Variants in SV2C observed in about 807,000 individuals in gnomAD.
The protein encoded by SV2C is synaptic vesicle glycoprotein 2C, also known as solute carrier family 22 member B3.
Under a neutral mutation model 79.7 loss-of-function variants are expected in SV2C, and 49 were observed. The observed-to-expected ratio is 0.61, with a 90% CI of 0.49 to 0.78. The LOEUF (loss-of-function observed/expected upper bound fraction) is 0.78, where lower values mean the gene tolerates loss of function less well. SV2C is among the 30% of genes least tolerant of loss of function. SV2C has a pLI of 0.00. For synonymous variants in SV2C, 334 were observed against 333.2 expected, an observed-to-expected ratio of 1.00 and a Z score of -0.03; for missense variants, 833 against 912.9, an observed-to-expected ratio of 0.91 and a Z score of 1.13.
chr5:75,960,141 G>GA, the SV2C span, among the ~76,000 whole-genome samples: 3 of 151,894 alleles, frequency 2.0e-5, no homozygotes, highest in African/African-American at 7.2e-5. Context: ...AACTTTTAAT[G>GA]AAAAAATCCT....
intron 4 of SV2C, among the ~76,000 whole-genome samples, chr5:76,238,292 G>A (rs1745678386): frequency 6.6e-6 from 1 of 150,882 alleles, no homozygotes; most frequent in Non-Finnish European, 1.5e-5. Flanking sequence ...TTCTAAGGAG[G>A]GGTGTGTGTG....
chr5:76,144,530 A>C (rs4580760), intron 2 of SV2C, among the ~76,000 whole-genome samples: 133,844 of 152,190 alleles, frequency 0.88, 59,043 homozygotes, highest in South Asian at 0.92. Context: ...TTACGTAATT[A>C]ATCCACCCAG....
chr5:76,194,878 C>T, intron 2 of SV2C, 41 bp from the exon 3 acceptor site: 1 of 1,601,594 alleles, frequency 6.2e-7, no homozygotes, highest in Non-Finnish European at 8.5e-7. Context: ...GTCATTGACT[C>T]CCAACCTCTG....
chr5:76,112,330 A>G (rs989201730), intron 1 of SV2C, among the ~76,000 whole-genome samples: 3 of 152,224 alleles, frequency 2.0e-5, no homozygotes, highest in Non-Finnish European at 2.9e-5. Context: ...GAACACCAAA[A>G]GGAAGTGCAG....
chr5:76,226,158 G>A (rs1745230527), intron 4 of SV2C, among the ~76,000 whole-genome samples: 2 of 152,168 alleles, frequency 1.3e-5, no homozygotes, highest in South Asian at 4.1e-4. Context: ...TAGTTAGGTG[G>A]AGGGTATACA....
At chr5:75,922,129 T>C in the SV2C span, among the ~76,000 whole-genome samples, 5 of 152,288 alleles carry the variant, frequency 3.3e-5, no homozygotes, top group Non-Finnish European at 7.4e-5. Flanking sequence ...TACTAACTTC[T>C]ATATTGTCCT....
the SV2C span, among the ~76,000 whole-genome samples, chr5:75,948,426 C>T: frequency 6.6e-6 from 1 of 151,980 alleles, no homozygotes; most frequent in East Asian, 1.9e-4. Context: ...CAGGTGAAGG[C>T]AATGATACAC....
At chr5:75,963,772 C>G in the SV2C span, among the ~76,000 whole-genome samples, 18 of 152,080 alleles carry the variant, frequency 1.2e-4, no homozygotes, top group Non-Finnish European at 2.1e-4. Context: ...TCTCTGTTCT[C>G]TCTTCCTGGA....
At chr5:75,912,048 G>A in the SV2C span, among the ~76,000 whole-genome samples, 3 of 152,216 alleles carry the variant, frequency 2.0e-5, no homozygotes, top group African/African-American at 7.2e-5. Flanking sequence ...TATGGGAGAG[G>A]TGGAGTGAGG....
At chr5:76,290,900 T>C (rs1026456402) in intron 6 of SV2C, among the ~76,000 whole-genome samples, 2 of 152,242 alleles carry the variant, frequency 1.3e-5, no homozygotes, top group African/African-American at 4.8e-5. Flanking sequence ...ATCTAACTTA[T>C]CTGGATGTTT....
the SV2C span, among the ~76,000 whole-genome samples, chr5:76,076,364 TTTC>T: frequency 3.9e-5 from 6 of 152,234 alleles, no homozygotes; most frequent in Non-Finnish European, 7.3e-5. Flanking sequence ...TGCACATATT[TTTC>T]TTCAAGTACA....
At chr5:76,309,429 T>G (rs1017319332) in intron 12 of SV2C, among the ~76,000 whole-genome samples, 1 of 151,102 alleles carries the variant, frequency 6.6e-6, no homozygotes, top group African/African-American at 2.4e-5. Flanking sequence ...TGAAACCCCG[T>G]CTCTACTAAA....
rs533075382 is a variant in SV2C, at chr5:76,085,757, A to G, written c.-102+2245A>G. Among the ~76,000 whole-genome samples, 26 of 151,610 alleles carry G rather than the reference A, an allele frequency of 1.7e-4. 1 individual carries two copies. The South Asian group carries it at 5.2e-3, about 31-fold the overall frequency. ...GGTTGTTTTGAAGACAAAAGAGATAATCTCAGAGAGCTTTGGCTTTGGAAA... is the reference window on the plus strand; with the variant it reads ...GGTTGTTTTGAAGACAAAAGAGATAGTCTCAGAGAGCTTTGGCTTTGGAAA... On this transcript the variant is annotated intron_variant, in intron 1 of 12. Coordinates refer to ENST00000502798, the MANE Select transcript of SV2C (RefSeq NM_014979.4).
chr5:76,250,681 G>A (rs1009208308), intron 4 of SV2C, among the ~76,000 whole-genome samples: 1 of 152,146 alleles, frequency 6.6e-6, no homozygotes, highest in Non-Finnish European at 1.5e-5. Flanking sequence ...TCCGCTCCTG[G>A]GTCAGCATTA....
the SV2C span, among the ~76,000 whole-genome samples, chr5:76,066,795 T>TA: frequency 0.025 from 3,040 of 122,068 alleles, 66 homozygotes; most frequent in African/African-American, 0.063. Flanking sequence ...AGGACCCTGT[T>TA]AAAAAAAAAA....
the SV2C span, among the ~76,000 whole-genome samples, chr5:75,852,256 A>G: frequency 0.015 from 2,267 of 152,274 alleles, 72 homozygotes; most frequent in African/African-American, 0.053. Context: ...TGGCACGTGT[A>G]TACCTATGTA....
chr5:76,035,033 C>T, the SV2C span, among the ~76,000 whole-genome samples: 29 of 152,144 alleles, frequency 1.9e-4, no homozygotes, highest in South Asian at 8.3e-4. Context: ...AGTTTATTTG[C>T]GTAGAGGTGT....
rs1743035327 is a variant in SV2C, at chr5:76,165,984, G to A, written c.581-28935G>A. Among the ~76,000 whole-genome samples, 5 of 152,166 alleles carry A rather than the reference G, an allele frequency of 3.3e-5. No homozygotes were observed. In the South Asian group the frequency reaches 1.0e-3, roughly 32 times the overall value. Reference sequence around the variant, plus strand: ...CCCAGAATCAACTCCAGTCAAGAATGAGGGGTTCCCAGAAGGAAAGTTGAG... The same window carrying A: ...CCCAGAATCAACTCCAGTCAAGAATAAGGGGTTCCCAGAAGGAAAGTTGAG... On this transcript the variant is annotated intron_variant, in intron 2 of 12. Coordinates refer to ENST00000502798, the MANE Select transcript of SV2C (RefSeq NM_014979.4).
chr5:75,878,949 G>A, the SV2C span, among the ~76,000 whole-genome samples: 17 of 152,122 alleles, frequency 1.1e-4, no homozygotes, highest in African/African-American at 3.9e-4. Flanking sequence ...TTACAATCAC[G>A]GCAGAAGGTG....
Sources: gnomAD v4.1 joint callset for allele counts (sites outside exome capture counted in the v4.1 genomes callset) on GRCh38, gnomAD v4.1.1 for gene constraint, MANE v1.5 for transcripts, NCBI Gene and HGNC (gene_info 2026-07-23, HGNC 2026-07-21) for gene names.